PARVA: variants seen among roughly 807,000 people sequenced by gnomAD.
The protein encoded by PARVA is alpha-parvin.
A neutral mutation model predicts 52.6 loss-of-function variants in PARVA; 25 were observed. The observed-to-expected ratio is 0.48, with a 90% confidence interval of 0.35 to 0.66. The LOEUF is 0.66. Ranked by LOEUF, PARVA falls within the 30% of genes least tolerant of loss-of-function variation. PARVA has a pLI of 0.01. For missense variants in PARVA, 373 were observed against 450.9 expected, an observed-to-expected ratio of 0.83 and a Z score of 1.56; for synonymous variants, 185 against 179.1, an observed-to-expected ratio of 1.03 and a Z score of -0.26.
intron 1 of PARVA, among the ~76,000 whole-genome samples, chr11:12,413,042 CAA>C (rs1463597417): frequency 6.6e-6 from 1 of 152,114 alleles, no homozygotes; most frequent in African/African-American, 2.4e-5. Flanking sequence ...GTAATAATAA[CAA>C]TAGCTCTTGT....
At chr11:12,407,867 G>A (rs1479979046) in intron 1 of PARVA, among the ~76,000 whole-genome samples, 1 of 152,166 alleles carries the variant, frequency 6.6e-6, no homozygotes, top group East Asian at 1.9e-4. Flanking sequence ...AGGTCTCCCT[G>A]CCATCTGATC....
At chr11:12,460,175 C>G (rs928044266) in intron 1 of PARVA, among the ~76,000 whole-genome samples, 1 of 152,138 alleles carries the variant, frequency 6.6e-6, no homozygotes, top group Non-Finnish European at 1.5e-5. Context: ...TCTGCCTAAC[C>G]TAATGGACGA....
intron 1 of PARVA, among the ~76,000 whole-genome samples, chr11:12,453,535 G>C (rs1038067032): frequency 6.6e-6 from 1 of 152,136 alleles, no homozygotes; most frequent in Admixed American, 6.5e-5. Context: ...TACTGTAAGA[G>C]CTCCTAATCA....
chr11:12,483,199 C>T (rs567790819), intron 4 of PARVA, among the ~76,000 whole-genome samples: 1 of 152,348 alleles, frequency 6.6e-6, no homozygotes, highest in South Asian at 2.1e-4. Context: ...CCTTTCTTAG[C>T]TGCCCAACCC....
At chr11:12,418,605 T>C (rs1940103653) in intron 1 of PARVA, among the ~76,000 whole-genome samples, 1 of 152,128 alleles carries the variant, frequency 6.6e-6, no homozygotes, top group Non-Finnish European at 1.5e-5. Flanking sequence ...GATGACTGCT[T>C]GATTCTCTAT....
intron 1 of PARVA, chr11:12,453,039 A>G: frequency 2.2e-6 from 1 of 456,472 alleles, no homozygotes; most frequent in African/African-American, 2.0e-5. Context: ...AAGGTAGGTC[A>G]GAGCCTGGAC....
chr11:12,481,899 G>C (rs1440436994), intron 4 of PARVA, among the ~76,000 whole-genome samples: 2 of 152,128 alleles, frequency 1.3e-5, no homozygotes, highest in African/African-American at 4.8e-5. Flanking sequence ...GCCAGGCGTG[G>C]TGGCTCACAC....
intron 1 of PARVA, among the ~76,000 whole-genome samples, chr11:12,399,544 T>G (rs931940702): frequency 1.3e-5 from 2 of 152,238 alleles, no homozygotes; most frequent in African/African-American, 4.8e-5. Context: ...TAAGTTCTTG[T>G]CTTATCATGG....
At chr11:12,473,418 TAG>T (rs1940959962) in intron 1 of PARVA, among the ~76,000 whole-genome samples, 1 of 151,908 alleles carries the variant, frequency 6.6e-6, no homozygotes, top group African/African-American at 2.4e-5. Flanking sequence ...AGGCAGGAGG[TAG>T]AGACTCAGAA....
chr11:12,425,101 C>A (rs187556012), intron 1 of PARVA, among the ~76,000 whole-genome samples: 1 of 152,258 alleles, frequency 6.6e-6, no homozygotes, highest in African/African-American at 2.4e-5. Flanking sequence ...ATTTTGAAAT[C>A]ATTTATGTAA....
intron 1 of PARVA, among the ~76,000 whole-genome samples, chr11:12,469,084 G>A (rs563105515): frequency 6.6e-6 from 1 of 152,208 alleles, no homozygotes; most frequent in Non-Finnish European, 1.5e-5. Context: ...TAAATGTTGG[G>A]GAGCAAACCA....
chr11:12,488,837 C>T (rs1441902160), intron 4 of PARVA, among the ~76,000 whole-genome samples: 1 of 152,082 alleles, frequency 6.6e-6, no homozygotes, highest in Non-Finnish European at 1.5e-5. Flanking sequence ...AAGACAGAAG[C>T]AAACATATGT....
intron 4 of PARVA, among the ~76,000 whole-genome samples, chr11:12,484,779 G>C (rs972931496): frequency 1.3e-5 from 2 of 151,414 alleles, no homozygotes; most frequent in African/African-American, 4.8e-5. Context: ...CAGGAAAGAG[G>C]GGGTATTTTG....
chr11:12,496,370 G>GCATGCATGAGTGCATA (rs1941298737), intron 4 of PARVA, 88 bp from the exon 5 acceptor site: 6 of 1,384,500 alleles, frequency 4.3e-6, no homozygotes, highest in Admixed American at 4.4e-5. Context: ...ATGAGTGCAT[G>GCATGCATGAGTGCATA]AGAGACCGAA....
intron 1 of PARVA, among the ~76,000 whole-genome samples, chr11:12,444,199 T>C (rs554628679): frequency 6.6e-6 from 1 of 152,228 alleles, no homozygotes; most frequent in South Asian, 2.1e-4. Flanking sequence ...TCCAGATTGT[T>C]AATGGGAACA....
At chr11:12,418,338 G>A (rs1242216192) in intron 1 of PARVA, among the ~76,000 whole-genome samples, 1 of 152,218 alleles carries the variant, frequency 6.6e-6, no homozygotes, top group African/African-American at 2.4e-5. Flanking sequence ...ACAGGCCTCT[G>A]TGGCTTCCTG....
intron 4 of PARVA, among the ~76,000 whole-genome samples, chr11:12,490,331 C>G (rs759695791): frequency 2.6e-5 from 4 of 151,894 alleles, no homozygotes; most frequent in Non-Finnish European, 2.9e-5. Flanking sequence ...CAAGACTAGC[C>G]TGATCAACAT....
chr11:12,474,060 T>C (rs2288291), intron 3 of PARVA, 77 bp downstream of exon 3: 663,408 of 1,155,304 alleles, frequency 0.57, 197,368 homozygotes, highest in East Asian at 0.78. Context: ...TCTGTGCAGG[T>C]ACCCCACGAG....
intron 5 of PARVA, among the ~76,000 whole-genome samples, chr11:12,502,046 A>G (rs1433743356): frequency 6.6e-6 from 1 of 152,196 alleles, no homozygotes; most frequent in Non-Finnish European, 1.5e-5. Context: ...TGACCACACC[A>G]TGTCAGTGGG....
Sources: allele counts gnomAD v4.1 joint callset (sites outside exome capture counted in the v4.1 genomes callset), GRCh38; gene constraint gnomAD v4.1.1; transcripts MANE v1.5; gene names NCBI Gene and HGNC (gene_info 2026-07-23, HGNC 2026-07-21).